The following MYO10 variants were observed in gnomAD, a reference collection of about 807,000 sequenced individuals.
The protein encoded by MYO10 is unconventional myosin-X.
MYO10 carries 133 observed loss-of-function variants against 257.3 expected under a neutral mutation model. The observed-to-expected ratio is 0.52, with a 90% CI of 0.45 to 0.60. The LOEUF is 0.60. Among genes scored for constraint, MYO10 ranks in the 20% least tolerant of loss-of-function variants. The pLI, the probability that MYO10 is intolerant of heterozygous loss-of-function variation, is 0.00. For missense variants in MYO10, 2,399 were observed against 2,635.7 expected (o/e 0.91, Z 1.97); for synonymous variants, 1,104 against 1,028.6 (o/e 1.07, Z -1.40).
intron 19 of MYO10, chr5:16,713,529 T>C (rs1349630344): frequency 2.0e-6 from 2 of 979,820 alleles, no homozygotes; most frequent in African/African-American, 3.5e-5. Context: ...TGTGGTGTGG[T>C]TGTAGGATTT....
At chr5:16,810,111 C>A (rs767148322) in intron 3 of MYO10, among the ~76,000 whole-genome samples, 7 of 152,296 alleles carry the variant, frequency 4.6e-5, no homozygotes, top group Non-Finnish European at 8.8e-5. Flanking sequence ...CAACAGAAAC[C>A]TCTCCTGCTC....
At chr5:16,863,669 G>A (rs760131130) in intron 2 of MYO10, among the ~76,000 whole-genome samples, 4 of 152,078 alleles carry the variant, frequency 2.6e-5, no homozygotes, top group East Asian at 3.9e-4. Flanking sequence ...CACTCACCCC[G>A]AGAGATGAAA....
intron 4 of MYO10, among the ~76,000 whole-genome samples, chr5:16,792,583 C>CGG (rs35424758): frequency 1.4e-5 from 2 of 140,722 alleles, no homozygotes; most frequent in African/African-American, 5.8e-5. Context: ...CCCACAGGAG[C>CGG]GGGGGGCGGG....
chr5:16,770,603 A>G (rs1444962014), intron 9 of MYO10, among the ~76,000 whole-genome samples: 1 of 152,202 alleles, frequency 6.6e-6, no homozygotes, highest in East Asian at 1.9e-4. Context: ...TTGGGGGCAG[A>G]CTTGTTGGCA....
intron 4 of MYO10, among the ~76,000 whole-genome samples, chr5:16,790,912 T>TACAC (rs3993823): frequency 6.7e-6 from 1 of 148,166 alleles, no homozygotes; most frequent in African/African-American, 2.5e-5. Flanking sequence ...TATATATATA[T>TACAC]ACACACACAC....
intron 3 of MYO10, among the ~76,000 whole-genome samples, chr5:16,810,029 G>A (rs1742389226): frequency 6.6e-6 from 1 of 152,124 alleles, no homozygotes; most frequent in African/African-American, 2.4e-5. Flanking sequence ...CTTCCATTCA[G>A]CAGGAAACAA....
At chr5:16,772,916 G>C (rs1045658940) in intron 9 of MYO10, among the ~76,000 whole-genome samples, 7 of 152,082 alleles carry the variant, frequency 4.6e-5, no homozygotes, top group African/African-American at 1.4e-4. Context: ...GGCCAGGTGT[G>C]GGGGGGTTGG....
intron 1 of MYO10, among the ~76,000 whole-genome samples, chr5:16,896,645 CCT>C (rs1050200396): frequency 2.0e-5 from 3 of 152,090 alleles, no homozygotes; most frequent in Non-Finnish European, 2.9e-5. Flanking sequence ...GGCTCTCACC[CCT>C]GTCTTTACAG....
Position 16,694,462 on chromosome 5 carries a change from G to A in MYO10, c.3709C>T (p.Arg1237Cys), listed in dbSNP as rs1056851431. The change falls in exon 27 of 41, where the codon CGC becomes TGC. Residue 1237 changes from arginine (R) to cysteine (C), a missense_variant. Arg to Cys is a radical substitution (Grantham distance 180). Coordinates refer to ENST00000513610, the MANE Select transcript of MYO10 (RefSeq NM_012334.3). ...TTGGACTGGCGGAGGACAAACCAGC[G>A]CTTCTTCCAATTTCTCCTGGACAGC... ...STLSRRNWKK[R>C]WFVLRQSKLM... The A allele has an allele frequency of 1.1e-5, 17 of 1,613,882 alleles. No individual in the cohort carries two copies. Among genetic ancestry groups the A allele is most frequent in the Admixed American group, 1.7e-5 (1 of 60,000 alleles).
chr5:16,931,310 C>T (rs1416639360), intron 1 of MYO10, among the ~76,000 whole-genome samples: 2 of 152,064 alleles, frequency 1.3e-5, no homozygotes, highest in East Asian at 3.9e-4. Context: ...TAATAAGATA[C>T]TCCATGTCCT....
At chr5:16,738,663 C>A (rs528297361) in intron 19 of MYO10, among the ~76,000 whole-genome samples, 7 of 152,028 alleles carry the variant, frequency 4.6e-5, no homozygotes, top group African/African-American at 1.4e-4. Context: ...TATGTCAAGG[C>A]GGGTGGATCA....
chr5:16,681,812 A>G (rs1412621485), intron 31 of MYO10, 59 bp downstream of exon 31: 93 of 1,557,346 alleles, frequency 6.0e-5, no homozygotes, highest in Non-Finnish European at 8.0e-5. Flanking sequence ...GCAGATGTCT[A>G]TATGCAAATG....
At chr5:16,892,042 T>G (rs1745075079) in intron 1 of MYO10, among the ~76,000 whole-genome samples, 1 of 152,194 alleles carries the variant, frequency 6.6e-6, no homozygotes, top group Admixed American at 6.5e-5. Context: ...TGGATTTTAC[T>G]TGCTGTGGAA....
chr5:16,810,841 C>G (rs970337658), intron 3 of MYO10, among the ~76,000 whole-genome samples: 1 of 151,942 alleles, frequency 6.6e-6, no homozygotes, highest in Non-Finnish European at 1.5e-5. Flanking sequence ...GAGGCCAAGG[C>G]GGGTGGATCT....
intron 19 of MYO10, chr5:16,741,937 A>G: frequency 1.0e-6 from 1 of 985,316 alleles, no homozygotes; most frequent in Non-Finnish European, 1.2e-6. Context: ...CCAGCCTTTT[A>G]TGTGGTGCGT....
At chr5:16,742,665 G>A (rs1372789370) in intron 19 of MYO10, among the ~76,000 whole-genome samples, 1 of 151,780 alleles carries the variant, frequency 6.6e-6, no homozygotes, top group African/African-American at 2.4e-5. Flanking sequence ...ACAAAAATTA[G>A]CCAGGCATGG....
intron 38 of MYO10, 116 bp downstream of exon 38, chr5:16,671,306 G>A: frequency 7.7e-7 from 1 of 1,293,424 alleles, no homozygotes; most frequent in South Asian, 1.5e-5. Context: ...TGTCTTTGCT[G>A]GGAAATCCAC....
At chr5:16,890,756 C>T (rs1745026176) in intron 1 of MYO10, among the ~76,000 whole-genome samples, 1 of 151,764 alleles carries the variant, frequency 6.6e-6, no homozygotes, top group South Asian at 2.1e-4. Flanking sequence ...AGGAGAATCA[C>T]TTGAACCCGA....
chr5:16,688,750 GAAAA>G (rs5866201), intron 28 of MYO10, among the ~76,000 whole-genome samples: 3 of 134,664 alleles, frequency 2.2e-5, no homozygotes, highest in African/African-American at 8.2e-5. Flanking sequence ...CAAAAAAAAA[GAAAA>G]AAAAAAAAAA....
Sources: allele counts gnomAD v4.1 joint callset (sites outside exome capture counted in the v4.1 genomes callset), GRCh38; gene constraint gnomAD v4.1.1; transcripts MANE v1.5; gene names NCBI Gene and HGNC (gene_info 2026-07-23, HGNC 2026-07-21).